The following FBXL13 variants were observed in gnomAD, a reference collection of about 807,000 sequenced individuals.
The protein encoded by FBXL13 is F-box and leucine rich repeat protein 13.
A neutral mutation model predicts 83.6 loss-of-function variants in FBXL13; 67 were observed. The observed-to-expected ratio is 0.80, with a 90% CI of 0.66 to 0.98. The LOEUF (loss-of-function observed/expected upper bound fraction) is 0.98, where lower values mean the gene tolerates loss of function less well. Among genes scored for constraint, FBXL13 ranks in the 50% least tolerant of loss-of-function variants. FBXL13 has a pLI of 0.00. For missense variants in FBXL13, 822 were observed against 866.5 expected, an observed-to-expected ratio of 0.95 and a Z score of 0.64; for synonymous variants, 272 against 299.5, an observed-to-expected ratio of 0.91 and a Z score of 0.95.
intron 9 of FBXL13, among the ~76,000 whole-genome samples, chr7:102,928,946 A>G (rs1482326069): frequency 6.6e-6 from 1 of 152,136 alleles, no homozygotes; most frequent in Non-Finnish European, 1.5e-5. Flanking sequence ...CTATGCCTCC[A>G]TTTCTTGCGG....
chr7:102,995,640 A>C (rs1169239067), intron 6 of FBXL13, among the ~76,000 whole-genome samples: 2 of 151,800 alleles, frequency 1.3e-5, no homozygotes, highest in African/African-American at 4.8e-5. Context: ...TACAAAAATT[A>C]GCCAGGCGTG....
intron 16 of FBXL13, among the ~76,000 whole-genome samples, chr7:102,873,510 A>G (rs1224679109): frequency 2.0e-5 from 3 of 152,238 alleles, no homozygotes; most frequent in Non-Finnish European, 4.4e-5. Context: ...ACAGGCGTTC[A>G]TAACTTTTCA....
At chr7:103,025,420 G>A (rs1793792913) in intron 5 of FBXL13, among the ~76,000 whole-genome samples, 190 bp from the exon 7 acceptor site, 1 of 152,172 alleles carries the variant, frequency 6.6e-6, no homozygotes, top group African/African-American at 2.4e-5. Context: ...AAGTATTACA[G>A]ATCATTTCCA....
At chr7:102,902,779 G>A (rs1813130413) in intron 11 of FBXL13, among the ~76,000 whole-genome samples, 1 of 151,914 alleles carries the variant, frequency 6.6e-6, no homozygotes, top group Non-Finnish European at 1.5e-5. Context: ...CTGTTCTATT[G>A]GTCTATGTGT....
At position 102,834,084 on chromosome 7, in the gene FBXL13, A is replaced by AAGGAAGGAAGGAAG. The variant is rs1562925752; in HGVS notation, c.1720-1111_1720-1110insCTTCCTTCCTTCCT. On this transcript the variant is annotated intron_variant, in intron 17 of 19. Coordinates refer to ENST00000313221, the Ensembl canonical transcript of FBXL13. ...AGGAAGGAAGGAAGGAAGGAAGGAAAGAAAAGAAAGAAAGAAAGAAAGAAA... is the reference window on the plus strand; with the variant it reads ...AGGAAGGAAGGAAGGAAGGAAGGAAAAGGAAGGAAGGAAGGAAAAGAAAGAAAGAAAGAAAGAAA... Among the ~76,000 whole-genome samples, 38 of 101,138 alleles carry AAGGAAGGAAGGAAG rather than the reference A, an allele frequency of 3.8e-4. 2 individuals are homozygous for AAGGAAGGAAGGAAG. Among genetic ancestry groups the AAGGAAGGAAGGAAG allele is most frequent in the South Asian group, 1.3e-3 (4 of 3,060 alleles). The allele number at this position is 101,138 out of a possible 152,430, so 66.4% of individuals were successfully genotyped here.
intron 6 of FBXL13, among the ~76,000 whole-genome samples, chr7:103,016,629 A>C (rs1792361959): frequency 6.6e-6 from 1 of 152,140 alleles, no homozygotes; most frequent in Non-Finnish European, 1.5e-5. Flanking sequence ...TCCCACCCTA[A>C]TACTGTGCTT....
At chr7:103,060,020 T>TTTTATA (rs1327615757) in intron 1 of FBXL13, among the ~76,000 whole-genome samples, 6 of 50,076 alleles carry the variant, frequency 1.2e-4, no homozygotes, top group African/African-American at 2.3e-4. Flanking sequence ...GCAAGATATT[T>TTTTATA]TATATATATA....
chr7:102,874,721 C>G (rs1187522701), intron 16 of FBXL13, among the ~76,000 whole-genome samples: 1 of 152,052 alleles, frequency 6.6e-6, no homozygotes, highest in Admixed American at 6.6e-5. Flanking sequence ...TGCACATCAC[C>G]ACACCCGGCT....
In FBXL13 at chr7:103,039,662, G is replaced by A. The variant is rs545089269; in HGVS notation, c.1-10244C>T. ...ACCTTATAAGCCAGAAGAGAGTGGGGGCCAATATTCAACATTCTTAAAGAA... is the reference window on the plus strand; with the variant it reads ...ACCTTATAAGCCAGAAGAGAGTGGGAGCCAATATTCAACATTCTTAAAGAA... On this transcript the variant is annotated intron_variant, in intron 2 of 19. Coordinates refer to ENST00000313221, the Ensembl canonical transcript of FBXL13. Among the ~76,000 whole-genome samples the A allele has an allele frequency of 2.2e-4, 34 of 152,072 alleles. 1 individual carries two copies. The highest frequency in any genetic ancestry group is 9.6e-4 in the East Asian group (5 of 5,184).
intron 6 of FBXL13, among the ~76,000 whole-genome samples, chr7:103,018,816 A>T (rs980313262): frequency 2.6e-5 from 4 of 152,212 alleles, no homozygotes; most frequent in Non-Finnish European, 5.9e-5. Flanking sequence ...GAGCACCCAG[A>T]TTCATAAAGC....
At chr7:102,839,194 C>T (rs1418188824) in intron 17 of FBXL13, among the ~76,000 whole-genome samples, 1 of 152,326 alleles carries the variant, frequency 6.6e-6, no homozygotes, top group East Asian at 1.9e-4. Context: ...CGTGCACATC[C>T]AGGCATAGTA....
At chr7:103,004,114 G>C (rs13226836) in intron 6 of FBXL13, among the ~76,000 whole-genome samples, 1,995 of 152,300 alleles carry the variant, frequency 0.013, 22 homozygotes, top group Non-Finnish European at 0.021. Flanking sequence ...TTTTATGAAT[G>C]TATACCTGTG....
chr7:102,944,567 C>G, intron 8 of FBXL13: 2 of 1,611,378 alleles, frequency 1.2e-6, no homozygotes, highest in Non-Finnish European at 1.7e-6. Context: ...AGAGATCACA[C>G]CGCAAAGAAG....
intron 4 of FBXL13, 22 bp downstream of exon 5, chr7:103,028,578 T>G: frequency 1.3e-6 from 2 of 1,485,246 alleles, no homozygotes; most frequent in Non-Finnish European, 1.8e-6. Context: ...CAAAAAGTAA[T>G]TGCTACTATG....
intron 17 of FBXL13, among the ~76,000 whole-genome samples, chr7:102,839,604 C>T (rs142121020): frequency 0.029 from 4,413 of 152,158 alleles, 187 homozygotes; most frequent in East Asian, 0.16. Flanking sequence ...TCTGCCACCA[C>T]GCCCAGCTAA....
intron 2 of FBXL13, among the ~76,000 whole-genome samples, 167 bp downstream of exon 3, chr7:103,054,921 G>A (rs1425262785): frequency 6.6e-6 from 1 of 152,046 alleles, no homozygotes; most frequent in African/African-American, 2.4e-5. Context: ...TATGAATGTG[G>A]CTTTGCATGC....
chr7:102,835,999 G>T (rs1410511283), intron 17 of FBXL13, among the ~76,000 whole-genome samples: 1 of 152,138 alleles, frequency 6.6e-6, no homozygotes, highest in Non-Finnish European at 1.5e-5. Flanking sequence ...AAGCAAGAAA[G>T]AATATTTAAA....
At chr7:102,927,280 T>A (rs1031197936) in intron 9 of FBXL13, among the ~76,000 whole-genome samples, 1 of 152,190 alleles carries the variant, frequency 6.6e-6, no homozygotes, top group Non-Finnish European at 1.5e-5. Context: ...TAAGTATTAG[T>A]GGTGCATGCA....
At chr7:102,854,397 G>A (rs1300997115) in intron 17 of FBXL13, among the ~76,000 whole-genome samples, 2 of 152,148 alleles carry the variant, frequency 1.3e-5, no homozygotes, top group Non-Finnish European at 2.9e-5. Context: ...GGGAGGGATA[G>A]CATTGGGAGA....
Sources: allele counts gnomAD v4.1 joint callset (sites outside exome capture counted in the v4.1 genomes callset), GRCh38; gene constraint gnomAD v4.1.1; transcripts MANE v1.5; gene names NCBI Gene and HGNC (gene_info 2026-07-23, HGNC 2026-07-21).